Variants in NFX1 observed in about 807,000 individuals in gnomAD.
NFX1 encodes transcriptional repressor NF-X1.
Under a neutral mutation model 137.2 loss-of-function variants are expected in NFX1, and 69 were observed. The observed-to-expected ratio is 0.50, with a 90% confidence interval of 0.41 to 0.61. NFX1 has a LOEUF of 0.61. Ranked by LOEUF, NFX1 falls within the 20% of genes least tolerant of loss-of-function variation. The probability of loss-of-function intolerance (pLI) is 0.00; values close to 1 mark genes in which losing one functional copy is unlikely to be tolerated. For synonymous variants in NFX1, 495 were observed against 474.1 expected (o/e 1.04, Z -0.57); for missense variants, 1,167 against 1,391.0 (o/e 0.84, Z 2.56).
chr9:33,344,494 T>C (rs1823340563), intron 14 of NFX1, among the ~76,000 whole-genome samples: 1 of 152,242 alleles, frequency 6.6e-6, no homozygotes, highest in South Asian at 2.1e-4. Flanking sequence ...TTTTGAAATT[T>C]AGCATCTTTT....
chr9:33,312,544 C>T (rs1431529890), intron 6 of NFX1, among the ~76,000 whole-genome samples: 3 of 152,208 alleles, frequency 2.0e-5, no homozygotes, highest in Non-Finnish European at 4.4e-5. Context: ...TTAACCATTA[C>T]CCTAGAAAGA....
chr9:33,315,098 C>T (rs746572472), intron 7 of NFX1, among the ~76,000 whole-genome samples: 15 of 152,030 alleles, frequency 9.9e-5, no homozygotes, highest in Non-Finnish European at 1.8e-4. Flanking sequence ...TGTTGGCGGG[C>T]GCCGGTAATC....
intron 19 of NFX1, among the ~76,000 whole-genome samples, chr9:33,363,543 C>T (rs1824077924): frequency 6.6e-6 from 1 of 152,080 alleles, no homozygotes; most frequent in Non-Finnish European, 1.5e-5. Flanking sequence ...CTTGGCCTCC[C>T]AGAGTCCTAG....
chr9:33,296,052 G>T (rs574964222), intron 2 of NFX1, among the ~76,000 whole-genome samples: 1 of 152,120 alleles, frequency 6.6e-6, no homozygotes, highest in East Asian at 1.9e-4. Flanking sequence ...TCAGCCTCCC[G>T]AGTAGCTGGG....
At chr9:33,364,834 A>AG in intron 21 of NFX1, 60 bp downstream of exon 21, 1 of 1,589,238 alleles carries the variant, frequency 6.3e-7, no homozygotes, top group Non-Finnish European at 8.6e-7. Context: ...AAAAAAAAAA[A>AG]GCAATCAAGT....
chr9:33,332,436 C>A, intron 10 of NFX1, 36 bp from the exon 11 acceptor site: 1 of 1,574,206 alleles, frequency 6.4e-7, no homozygotes, highest in South Asian at 1.1e-5. Context: ...TTAGTTATTC[C>A]TAAAGTAGTT....
At chr9:33,342,126 TCTCA>T (rs1429315365) in intron 12 of NFX1, among the ~76,000 whole-genome samples, 2 of 141,500 alleles carry the variant, frequency 1.4e-5, no homozygotes, top group African/African-American at 3.0e-5. Context: ...TGTCTCTCTC[TCTCA>T]CACACACACA....
At chr9:33,337,615 A>C (rs549848194) in intron 11 of NFX1, among the ~76,000 whole-genome samples, 4 of 152,334 alleles carry the variant, frequency 2.6e-5, no homozygotes, top group Non-Finnish European at 5.9e-5. Context: ...CTGTAATCCC[A>C]ACATTTGGAA....
chr9:33,367,480 C>T (rs1184968844), intron 22 of NFX1, 35 bp from the exon 23 acceptor site: 2 of 1,604,594 alleles, frequency 1.2e-6, no homozygotes, highest in East Asian at 4.5e-5. Context: ...AAACAATTCT[C>T]ACTTTTCAAT....
intron 15 of NFX1, among the ~76,000 whole-genome samples, chr9:33,350,303 CAAAAAAA>C (rs35938162): frequency 3.7e-5 from 2 of 53,394 alleles, no homozygotes; most frequent in Non-Finnish European, 7.6e-5. Flanking sequence ...GACTCCATCT[CAAAAAAA>C]AAAAAAAAAA....
intron 10 of NFX1, among the ~76,000 whole-genome samples, chr9:33,330,893 A>G (rs1822781518): frequency 6.6e-6 from 1 of 152,134 alleles, no homozygotes; most frequent in Non-Finnish European, 1.5e-5. Flanking sequence ...AAAAGCTGAT[A>G]ATTGGCTGGG....
chr9:33,300,895 TG>T (rs1587819077), intron 2 of NFX1, among the ~76,000 whole-genome samples: 1 of 152,252 alleles, frequency 6.6e-6, no homozygotes, highest in Non-Finnish European at 1.5e-5. Context: ...CCTAAATCCA[TG>T]GATCTGATAG....
intron 9 of NFX1, among the ~76,000 whole-genome samples, chr9:33,319,479 A>G (rs1822301876): frequency 6.6e-6 from 1 of 152,168 alleles, no homozygotes; most frequent in Non-Finnish European, 1.5e-5. Context: ...CCCTTTTCAC[A>G]TAATAGGAAC....
At chr9:33,296,220 G>C (rs567441783) in intron 2 of NFX1, among the ~76,000 whole-genome samples, 48 of 152,176 alleles carry the variant, frequency 3.2e-4, no homozygotes, top group Non-Finnish European at 5.9e-4. Context: ...ACTGCGCCCT[G>C]CCTAAAACAC....
At chr9:33,361,117 TA>T (rs1246319978) in intron 19 of NFX1, among the ~76,000 whole-genome samples, 5 of 152,158 alleles carry the variant, frequency 3.3e-5, no homozygotes, top group African/African-American at 1.2e-4. Context: ...ACAGAGATAT[TA>T]ATTGTGTCGT....
chr9:33,365,140 G>A, intron 21 of NFX1: 1 of 262,092 alleles, frequency 3.8e-6, no homozygotes, highest in Non-Finnish European at 6.2e-6. Flanking sequence ...TGGGTGTGGT[G>A]GCGGGCACCT....
chr9:33,292,651 T>C (rs1334499839), intron 1 of NFX1, among the ~76,000 whole-genome samples: 1 of 152,252 alleles, frequency 6.6e-6, no homozygotes, highest in Admixed American at 6.5e-5. Flanking sequence ...TATGGGTTTT[T>C]TTCCTGAGGG....
chr9:33,305,748 A>G (rs1440196630), intron 4 of NFX1, among the ~76,000 whole-genome samples: 1 of 152,196 alleles, frequency 6.6e-6, no homozygotes, highest in Admixed American at 6.5e-5. Flanking sequence ...TACCAAGGAA[A>G]AGGGCAGGTC....
chr9:33,299,386 C>T (rs945652559), intron 2 of NFX1, among the ~76,000 whole-genome samples: 7 of 152,086 alleles, frequency 4.6e-5, no homozygotes, highest in African/African-American at 1.7e-4. Context: ...TTATTTACTT[C>T]TTATTCAGGG....
Sources: allele counts gnomAD v4.1 joint callset (sites outside exome capture counted in the v4.1 genomes callset), GRCh38; gene constraint gnomAD v4.1.1; transcripts MANE v1.5; gene names NCBI Gene and HGNC (gene_info 2026-07-23, HGNC 2026-07-21).